Variants in GKN1 observed in about 807,000 individuals in gnomAD.
GKN1 encodes the protein gastrokine-1.
In GKN1, 17 loss-of-function variants were observed where a neutral mutation model predicts 19.7. The observed-to-expected ratio is 0.86, with a 90% confidence interval of 0.59 to 1.29. The LOEUF (loss-of-function observed/expected upper bound fraction) is 1.29. Among genes scored for constraint, GKN1 ranks in the 50% most tolerant of loss-of-function variants. The pLI is 0.00. For missense variants in GKN1, 218 were observed against 224.5 expected (o/e 0.97, Z 0.19); for synonymous variants, 96 against 78.3 (o/e 1.23, Z -1.20).
At chr2:68,977,967 C>T (rs1367800870) in intron 3 of GKN1, 193 bp downstream of exon 3, 1 of 577,186 alleles carries the variant, frequency 1.7e-6, no homozygotes, top group Admixed American at 3.0e-5. Flanking sequence ...ATAAGTGTTG[C>T]ATGATCAGTT....
rs1391792543 is a variant in GKN1 at position 68,978,960 on chromosome 2, T to C, written c.294T>C (p.Asp98=). ...TCATGCCCTCCATTCAATCCCTTGA[T>C]GCACTGGTCAAGGAAAAGAAGGTAA... The part of the protein sequence containing the change: ...KEVMPSIQSL[D]ALVKEKKLQG... Residue 98 remains aspartate, a synonymous_variant, in exon 4 of 6, where the codon GAT becomes GAC. Transcript: ENST00000377938. 6.3e-7 allele frequency: 1 copy of C among 1,580,376 alleles called. No homozygotes were observed. The highest frequency in any genetic ancestry group is 1.1e-5 in the South Asian group (1 of 90,118).
Position 68,977,639 on chromosome 2 carries a change from T to A in GKN1, c.69T>A (p.Asn23Lys). Residue 23 changes from asparagine to lysine, a missense_variant and splice_region_variant, in exon 3 of 6, where the codon AAT (asparagine) becomes AAA (lysine). By Grantham distance (94) the Asn-to-Lys change is moderately conservative (BLOSUM62 0). Transcript: ENST00000377938. The part of the protein sequence containing the change: ...VFLAPALANY[N>K]INVNDDNNNA... Reference sequence around the variant, plus strand: ...TCTCAATCTCTTATAAACTTCAGAATATCAACGTCAATGATGACAACAACA... The same window carrying A: ...TCTCAATCTCTTATAAACTTCAGAAAATCAACGTCAATGATGACAACAACA... 6.2e-7 allele frequency: 1 copy of A among 1,610,894 alleles called. No homozygotes were observed. The highest frequency in any genetic ancestry group is 8.5e-7 in the Non-Finnish European group (1 of 1,177,086).
intron 5 of GKN1, among the ~76,000 whole-genome samples, chr2:68,980,318 T>C (rs1670341266): frequency 6.6e-6 from 1 of 152,212 alleles, no homozygotes. Context: ...CACAAAATCC[T>C]TGCCTGGGTC....
At position 68,974,637 on chromosome 2, in the gene GKN1, T is replaced by C. The variant is rs751865109; in HGVS notation, c.-41T>C. The C allele has an allele frequency of 2.5e-6, 4 of 1,597,080 alleles. No individual in the cohort carries two copies. The highest frequency in any genetic ancestry group is 2.7e-5 in the African/African-American group (2 of 74,706). On this transcript the variant is annotated 5_prime_UTR_variant, in exon 1 of 6. It removes an upstream start codon present in the reference 5' UTR. Transcript: ENST00000377938. ...TGAGAAGGCTTCTCATTCAGGTCCATGCTTGCCTACTCCTCTGTCCACTGC... is the reference window on the plus strand; with the variant it reads ...TGAGAAGGCTTCTCATTCAGGTCCACGCTTGCCTACTCCTCTGTCCACTGC...
At chr2:68,974,862 G>A (rs766451139) in intron 1 of GKN1, among the ~76,000 whole-genome samples, 173 bp downstream of exon 1, 1 of 152,078 alleles carries the variant, frequency 6.6e-6, no homozygotes, top group Non-Finnish European at 1.5e-5. Context: ...GGTCCTGTTG[G>A]GGGGTGGAGA....
intron 4 of GKN1, 39 bp from the exon 5 acceptor site, chr2:68,979,874 C>T: frequency 6.3e-7 from 1 of 1,586,570 alleles, no homozygotes; most frequent in Non-Finnish European, 8.7e-7. Flanking sequence ...CATTCATTCT[C>T]TCCCATTCTT....
chr2:68,980,815 GAGAAC>G lies in GKN1; in HGVS notation c.551_555del (p.Glu184ValfsTer11). On this transcript the variant is annotated frameshift_variant, in exon 6 of 6. Transcript: ENST00000377938. LOFTEE classifies it high-confidence loss of function. ...CATTTCCTTCTGTGGAGACACGGTG[GAGAAC>G]TAAACAATTTTTTAAAGCCACTATG... 1 of 1,515,516 alleles carries G rather than the reference GAGAAC, an allele frequency of 6.6e-7. No homozygotes were observed. Among genetic ancestry groups the G allele is most frequent in the African/African-American group, 1.4e-5 (1 of 73,114 alleles). The allele number at this position is 1,515,516 out of a possible 1,614,324, so 93.9% of individuals were successfully genotyped here.
chr2:68,977,876 T>C (rs1670287981), intron 3 of GKN1, 102 bp downstream of exon 3: 1 of 941,870 alleles, frequency 1.1e-6, no homozygotes, highest in Non-Finnish European at 1.6e-6. Flanking sequence ...AAATAAATTC[T>C]AATTACACAT....
At chr2:68,980,487 TCAGA>T (rs1005366862) in intron 5 of GKN1, among the ~76,000 whole-genome samples, 16 of 152,332 alleles carry the variant, frequency 1.1e-4, no homozygotes, top group Non-Finnish European at 2.1e-4. Context: ...TTTCTATAGC[TCAGA>T]CAATCACTTA....
intron 3 of GKN1, 65 bp downstream of exon 3, chr2:68,977,839 T>G: frequency 7.9e-7 from 1 of 1,264,574 alleles, no homozygotes; most frequent in Admixed American, 1.7e-5. Flanking sequence ...TAACAAAAAA[T>G]GTGCATGTTA....
At chr2:68,980,615 T>A in intron 5 of GKN1, 114 bp from the exon 6 acceptor site, 2 of 646,368 alleles carry the variant, frequency 3.1e-6, no homozygotes, top group Non-Finnish European at 5.5e-6. Flanking sequence ...AACAAGTAGA[T>A]AAACCTTGAC....
intron 5 of GKN1, 139 bp downstream of exon 5, chr2:68,980,199 A>G (rs1035016384): frequency 6.9e-6 from 5 of 722,950 alleles, no homozygotes; most frequent in East Asian, 2.6e-5. Context: ...GCTCTGTGCC[A>G]GGTACTGTTC....
chr2:68,977,605 T>C (rs749618789), intron 2 of GKN1, 32 bp from the exon 3 acceptor site: 1 of 1,605,412 alleles, frequency 6.2e-7, no homozygotes, highest in South Asian at 1.1e-5. Context: ...AAATGTGATA[T>C]TAAATCACTC....
At chr2:68,975,712 A>T (rs1670248586) in intron 1 of GKN1, among the ~76,000 whole-genome samples, 1 of 152,166 alleles carries the variant, frequency 6.6e-6, no homozygotes, top group African/African-American at 2.4e-5. Flanking sequence ...TCTGCTGTGA[A>T]CAAGAGGTAT....
intron 1 of GKN1, among the ~76,000 whole-genome samples, chr2:68,975,031 G>A (rs1032265038): frequency 1.3e-5 from 2 of 151,930 alleles, no homozygotes; most frequent in Non-Finnish European, 2.9e-5. Flanking sequence ...TATAATCATG[G>A]CATTTATAAG....
At chr2:68,979,751 T>C (rs182486014) in intron 4 of GKN1, among the ~76,000 whole-genome samples, 162 bp from the exon 5 acceptor site, 2 of 152,314 alleles carry the variant, frequency 1.3e-5, no homozygotes, top group East Asian at 3.9e-4. Flanking sequence ...TGCTAAGATA[T>C]ACAGAATAAG....
chr2:68,980,962 T>A lies in GKN1; in HGVS notation c.*139T>A. The A allele has an allele frequency of 1.6e-6, 1 of 622,572 alleles. No individual in the cohort carries two copies. Among genetic ancestry groups the A allele is most frequent in the East Asian group, 2.7e-5 (1 of 36,624 alleles). 38.6% of individuals were successfully genotyped at this position (622,572 alleles called of 1,614,324 possible). ...TTGATTTCTTTAAGTTTCAATAAAA[T>A]CATTTAGCATTGAATTCAGTGTATA... On this transcript the variant is annotated 3_prime_UTR_variant, in exon 6 of 6. Coordinates refer to ENST00000377938, the MANE Select transcript of GKN1 (RefSeq NM_019617.4).
chr2:68,978,466 T>C (rs1289948684), intron 3 of GKN1, among the ~76,000 whole-genome samples: 2 of 152,122 alleles, frequency 1.3e-5, no homozygotes, highest in Non-Finnish European at 2.9e-5. Context: ...CGTTATACTT[T>C]TAAATAGCAA....
chr2:68,977,624 T>G lies in GKN1; in HGVS notation c.67-13T>G, dbSNP rs372237156. On this transcript the variant is annotated splice_polypyrimidine_tract_variant and intron_variant, in intron 2 of 5. Transcript: ENST00000377938. ...GTGATATTAAATCACTCTCAATCTCTTATAAACTTCAGAATATCAACGTCA... is the reference window on the plus strand; with the variant it reads ...GTGATATTAAATCACTCTCAATCTCGTATAAACTTCAGAATATCAACGTCA... The G allele has an allele frequency of 2.6e-4, 424 of 1,609,646 alleles. No homozygotes were observed. Among genetic ancestry groups the G allele is most frequent in the Middle Eastern group, 2.3e-3 (14 of 6,050 alleles).
Sources: gnomAD v4.1 joint callset for allele counts (sites outside exome capture counted in the v4.1 genomes callset) on GRCh38, gnomAD v4.1.1 for gene constraint, MANE v1.5 for transcripts, NCBI Gene and HGNC (gene_info 2026-07-23, HGNC 2026-07-21) for gene names.